Variants in STK3 observed in about 807,000 individuals in gnomAD.
STK3 encodes serine/threonine-protein kinase 3.
A neutral mutation model predicts 58.0 loss-of-function variants in STK3; 41 were observed. That is an observed-to-expected ratio of 0.71 (90% CI 0.55 to 0.92). STK3 has a LOEUF of 0.92. STK3 is among the 40% of genes least tolerant of loss of function. STK3 has a pLI of 0.00. For missense variants in STK3, 479 were observed against 602.7 expected (o/e 0.79, Z 2.15); for synonymous variants, 170 against 191.0 (o/e 0.89, Z 0.91).
At chr8:98,516,511 T>G (rs534731034) in intron 10 of STK3, among the ~76,000 whole-genome samples, 7 of 152,164 alleles carry the variant, frequency 4.6e-5, no homozygotes, top group Admixed American at 4.6e-4. Context: ...AAGATAGAAT[T>G]TATTTGCAGA....
intron 10 of STK3, among the ~76,000 whole-genome samples, chr8:98,518,538 T>C (rs1825115229): frequency 6.6e-6 from 1 of 152,172 alleles, no homozygotes; most frequent in Non-Finnish European, 1.5e-5. Flanking sequence ...AGCTGCCCAG[T>C]GACTAAATTA....
intron 6 of STK3, among the ~76,000 whole-genome samples, chr8:98,671,649 A>G (rs1822840841): frequency 6.6e-6 from 1 of 151,874 alleles, no homozygotes; most frequent in Non-Finnish European, 1.5e-5. Flanking sequence ...TGGTGTAATC[A>G]TGGCTCACTG....
In STK3 at chr8:98,645,289, C is replaced by T. The variant is rs116109008; in HGVS notation, c.685-49120G>A. 6.8e-3 allele frequency among the ~76,000 whole-genome samples: 1,032 copies of T among 152,306 alleles called. 8 individuals are homozygous for T. Among genetic ancestry groups the T allele is most frequent in the African/African-American group, 0.023 (968 of 41,568 alleles). ...TTAGCAGCGTGTTCATCCTCCTACT[C>T]AGTAGAGTCCTTAAACATACAGGGA... On this transcript the variant is annotated intron_variant, in intron 6 of 10. Coordinates refer to ENST00000419617, the MANE Select transcript of STK3 (RefSeq NM_006281.4).
At chr8:98,715,901 G>C (rs1268569846) in intron 4 of STK3, among the ~76,000 whole-genome samples, 1 of 152,152 alleles carries the variant, frequency 6.6e-6, no homozygotes, top group African/African-American at 2.4e-5. Flanking sequence ...AACAATGATA[G>C]ACTGGATTAA....
intron 8 of STK3, among the ~76,000 whole-genome samples, chr8:98,579,329 C>G (rs535725808): frequency 6.6e-6 from 1 of 152,246 alleles, no homozygotes; most frequent in Non-Finnish European, 1.5e-5. Context: ...TACAGCATAG[C>G]TGGTGACCAG....
Position 98,616,869 on chromosome 8 carries a change from T to TG in STK3, c.685-20701_685-20700insC, listed in dbSNP as rs1472021062. Among the ~76,000 whole-genome samples the TG allele has an allele frequency of 6.5e-3, 987 of 151,292 alleles. 6 individuals carry two copies. The highest frequency in any genetic ancestry group is 0.022 in the African/African-American group (927 of 41,246). ...CTCCCACACATTAATAATGGGAGAC[T>TG]TTAACACCCCACTGTCAACATTAGA... On this transcript the variant is annotated intron_variant, in intron 6 of 10. Coordinates refer to ENST00000419617, the MANE Select transcript of STK3 (RefSeq NM_006281.4).
At chr8:98,506,681 C>A (rs923149121) in intron 10 of STK3, among the ~76,000 whole-genome samples, 7 of 151,826 alleles carry the variant, frequency 4.6e-5, no homozygotes, top group African/African-American at 1.5e-4. Context: ...ACACTGCACT[C>A]CAGCCTAGGC....
At chr8:98,590,643 G>C (rs1815224851) in intron 7 of STK3, among the ~76,000 whole-genome samples, 1 of 152,224 alleles carries the variant, frequency 6.6e-6, no homozygotes, top group African/African-American at 2.4e-5. Context: ...TCCGTGTGAA[G>C]AGACCACTAA....
chr8:98,365,153 G>C, the STK3 span, among the ~76,000 whole-genome samples: 5 of 152,186 alleles, frequency 3.3e-5, no homozygotes, highest in African/African-American at 7.2e-5. Flanking sequence ...CGATGCAGTA[G>C]TCTTCTAGCT....
At chr8:98,395,090 G>T (rs1441683564) in intron 3 of STK3, among the ~76,000 whole-genome samples, 1 of 152,204 alleles carries the variant, frequency 6.6e-6, no homozygotes, top group African/African-American at 2.4e-5. Flanking sequence ...AGCTGCCTTA[G>T]AAGTTACCCA....
rs542505977 is a variant in STK3, at chr8:98,489,205, T to C, written c.1318-33205A>G. On this transcript the variant is annotated intron_variant, in intron 10 of 10. Coordinates refer to ENST00000419617, the MANE Select transcript of STK3 (RefSeq NM_006281.4). ...AAGTGAGTGAGAGGATATGAAAACA[T>C]AATCTGTCATGGAACTAGAGTTAAA... is the stretch of plus-strand genomic sequence containing the variant. Among the ~76,000 whole-genome samples, 59 of 152,070 alleles carry C rather than the reference T, an allele frequency of 3.9e-4. 1 individual carries two copies. The highest frequency in any genetic ancestry group is 1.4e-3 in the African/African-American group (59 of 41,476).
At chr8:98,806,978 C>A (rs530660755) in intron 1 of STK3, among the ~76,000 whole-genome samples, 1 of 151,860 alleles carries the variant, frequency 6.6e-6, no homozygotes, top group Non-Finnish European at 1.5e-5. Context: ...CACAGCGAAA[C>A]CCCGTCTCTA....
Position 98,732,986 on chromosome 8 carries a change from A to C in STK3, c.351+16290T>G, listed in dbSNP as rs188554691. 5.2e-3 allele frequency among the ~76,000 whole-genome samples: 799 copies of C among 152,362 alleles called. 4 individuals are homozygous for C. The highest frequency in any genetic ancestry group is 9.6e-3 in the Non-Finnish European group (650 of 68,026). On this transcript the variant is annotated intron_variant, in intron 4 of 10. Transcript: ENST00000419617. The stretch of plus-strand genomic sequence containing the variant: ...CAATGATTTTGAGTAATTAATTGTG[A>C]GAAAAGTAAATCCATTTAGACCACA...
chr8:98,647,372 C>T (rs752754297), intron 6 of STK3, among the ~76,000 whole-genome samples: 1 of 152,130 alleles, frequency 6.6e-6, no homozygotes, highest in Non-Finnish European at 1.5e-5. Context: ...TTCTCATATT[C>T]TATATAAATT....
intron 3 of STK3, among the ~76,000 whole-genome samples, chr8:98,753,727 A>T (rs113687111): frequency 0.018 from 2,693 of 152,230 alleles, 74 homozygotes; most frequent in African/African-American, 0.062. Flanking sequence ...ATTAAAAACA[A>T]AGGCAATAAA....
At chr8:98,649,283 A>C (rs1587148671) in intron 6 of STK3, among the ~76,000 whole-genome samples, 3 of 151,862 alleles carry the variant, frequency 2.0e-5, no homozygotes, top group Admixed American at 1.3e-4. Flanking sequence ...ATTTTTCCCA[A>C]CCTACCGCTT....
downstream of STK3, chr8:98,882,617 ATGT>A (rs1837840155): frequency 1.3e-5 from 2 of 152,180 alleles, no homozygotes; most frequent in Admixed American, 6.5e-5. Context: ...GGGTTTCACC[ATGT>A]TGGCCAGGCT....
At chr8:98,720,675 C>T (rs762647604) in intron 4 of STK3, among the ~76,000 whole-genome samples, 3 of 146,936 alleles carry the variant, frequency 2.0e-5, no homozygotes, top group East Asian at 4.0e-4. Flanking sequence ...GGCATGAACC[C>T]GGGAGGTGGA....
At chr8:98,663,446 T>C (rs1053052095) in intron 6 of STK3, among the ~76,000 whole-genome samples, 2 of 152,234 alleles carry the variant, frequency 1.3e-5, no homozygotes, top group African/African-American at 4.8e-5. Flanking sequence ...ATTCAACCAC[T>C]GTGGAAGTCA....
Sources: allele counts gnomAD v4.1 joint callset (sites outside exome capture counted in the v4.1 genomes callset), GRCh38; gene constraint gnomAD v4.1.1; transcripts MANE v1.5; gene names NCBI Gene and HGNC (gene_info 2026-07-23, HGNC 2026-07-21).